C3: variants seen among roughly 807,000 people sequenced by gnomAD.
The protein encoded by C3 is C3 and PZP-like alpha-2-macroglobulin domain-containing protein 1.
Under a neutral mutation model 207.9 loss-of-function variants are expected in C3, and 97 were observed. The observed-to-expected ratio is 0.47, with a 90% CI of 0.40 to 0.55. The LOEUF (loss-of-function observed/expected upper bound fraction) is 0.55, where lower values mean the gene tolerates loss of function less well. Among genes scored for constraint, C3 ranks in the 20% least tolerant of loss-of-function variants. The pLI, the probability that C3 is intolerant of heterozygous loss-of-function variation, is 0.00. For synonymous variants in C3, 848 were observed against 857.6 expected, an observed-to-expected ratio of 0.99 and a Z score of 0.20; for missense variants, 1,684 against 2,171.7, an observed-to-expected ratio of 0.78 and a Z score of 4.46.
chr19:6,680,301 T>A, intron 35 of C3, 38 bp from the exon 36 acceptor site: 1 of 1,057,942 alleles, frequency 9.5e-7, no homozygotes, highest in Non-Finnish European at 1.5e-6. Flanking sequence ...TGGGGTGATG[T>A]GGGAGGGAGT....
chr19:6,705,943 C>T (rs1044921024), intron 17 of C3, among the ~76,000 whole-genome samples: 2 of 143,540 alleles, frequency 1.4e-5, no homozygotes, highest in Admixed American at 7.0e-5. Context: ...CAAAGTGCTG[C>T]GATTGCCGGT....
intron 14 of C3, among the ~76,000 whole-genome samples, chr19:6,709,308 C>T (rs1051281753): frequency 3.9e-5 from 6 of 152,062 alleles, no homozygotes; most frequent in Non-Finnish European, 5.9e-5. Flanking sequence ...ATTAGCTGGG[C>T]GTGGTGATGG....
chr19:6,700,551 A>G (rs769629148), intron 19 of C3, among the ~76,000 whole-genome samples: 352 of 30,314 alleles, frequency 0.012, 97 homozygotes, highest in Non-Finnish European at 0.015. Context: ...TATGTAATAT[A>G]TAATATATGT....
In C3 at chr19:6,685,913, C is replaced by G. The variant is rs554517416; in HGVS notation, c.3810+211G>C. Among the ~76,000 whole-genome samples the G allele has an allele frequency of 3.2e-4, 49 of 152,328 alleles. 1 individual carries two copies. The highest frequency in any genetic ancestry group is 3.4e-3 in the Middle Eastern group (1 of 294). On this transcript the variant is annotated intron_variant, in intron 29 of 40. Coordinates refer to ENST00000245907, the MANE Select transcript of C3 (RefSeq NM_000064.4). ...CTAGACACCTGGGGCAAGAAGAAGG[C>G]TCAACACACAGCTTGGAGTACCCAG...
rs1035912772 is a variant in C3, at chr19:6,709,556, G to C, written c.1845+128C>G. 3.5e-5 allele frequency: 37 copies of C among 1,055,026 alleles called. No homozygotes were observed. In the African/African-American group the frequency reaches 5.6e-4, roughly 16 times the overall value. The allele number at this position is 1,055,026 out of a possible 1,614,324, so 65.4% of individuals were successfully genotyped here. A position where few individuals can be genotyped will look rare whatever the true frequency, so the allele number is the denominator to read the frequency against. On this transcript the variant is annotated intron_variant, in intron 14 of 40. Coordinates refer to ENST00000245907, the MANE Select transcript of C3 (RefSeq NM_000064.4). ...TCAGCTTCAACCATCCCTGTGTCTG[G>C]TCTGCTCCGATCTCTGCTTTCAGCG...
intron 35 of C3, among the ~76,000 whole-genome samples, chr19:6,681,387 GA>G (rs1002860411): frequency 7.3e-5 from 10 of 136,386 alleles, no homozygotes; most frequent in East Asian, 6.7e-4. Context: ...TAATATTTAT[GA>G]AAAAAAAATT....
At chr19:6,703,735 A>G (rs1289398440) in intron 17 of C3, among the ~76,000 whole-genome samples, 2 of 152,282 alleles carry the variant, frequency 1.3e-5, no homozygotes, top group East Asian at 3.9e-4. Context: ...AGCTGAGAAC[A>G]TTCCCAGACC....
At chr19:6,709,621 C>A in intron 14 of C3, 63 bp downstream of exon 14, 1 of 1,202,042 alleles carries the variant, frequency 8.3e-7, no homozygotes, top group Non-Finnish European at 1.2e-6. Context: ...TCCCACCCAC[C>A]TCCCCCAGCC....
intron 23 of C3, 40 bp downstream of exon 23, chr19:6,696,339 C>T (rs907208057): frequency 7.1e-7 from 1 of 1,417,716 alleles, no homozygotes; most frequent in Non-Finnish European, 9.9e-7. Flanking sequence ...CCATCCATGC[C>T]CTCCTGGGAC....
rs1918098908 is a variant in C3, at chr19:6,689,330, TCCC to T, written c.3489+1296_3489+1298del. On this transcript the variant is annotated intron_variant, in intron 27 of 40. Coordinates refer to ENST00000245907, the MANE Select transcript of C3 (RefSeq NM_000064.4). ...CTCTCTCTCTCTCTCTCTACCTACC[TCCC>T]TCCCTCCCTCCCTCCCTCCCTCCCT... is the stretch of plus-strand genomic sequence containing the variant. Among the ~76,000 whole-genome samples, 3 of 42,924 alleles carry T rather than the reference TCCC, an allele frequency of 7.0e-5. 1 individual carries two copies. In the East Asian group the frequency reaches 2.2e-3, roughly 31 times the overall value. The allele number at this position is 42,924 out of a possible 152,430, so 28.2% of individuals were successfully genotyped here.
chr19:6,696,078 C>T (rs971586422), intron 23 of C3, among the ~76,000 whole-genome samples: 2 of 151,428 alleles, frequency 1.3e-5, no homozygotes, highest in African/African-American at 4.8e-5. Flanking sequence ...GGCGTGGTGG[C>T]GGGTGGCTGT....
At chr19:6,698,345 G>C (rs185315921) in intron 19 of C3, among the ~76,000 whole-genome samples, 13 of 152,094 alleles carry the variant, frequency 8.5e-5, no homozygotes, top group African/African-American at 3.1e-4. Context: ...TTTACATTCT[G>C]TTTGTAGTTT....
chr19:6,711,910 G>A (rs1160352321), intron 11 of C3, among the ~76,000 whole-genome samples: 2 of 152,218 alleles, frequency 1.3e-5, no homozygotes, highest in African/African-American at 2.4e-5. Context: ...TGGATGGAGC[G>A]CCTCTCCGTG....
intron 17 of C3, among the ~76,000 whole-genome samples, chr19:6,703,753 G>T (rs979496530): frequency 3.3e-5 from 5 of 152,136 alleles, no homozygotes; most frequent in Admixed American, 2.0e-4. Context: ...ACCTGGTGCA[G>T]AACACTGAAG....
chr19:6,684,898 C>T, intron 30 of C3, 64 bp from the exon 31 acceptor site: 1 of 1,605,012 alleles, frequency 6.2e-7, no homozygotes, highest in South Asian at 1.1e-5. Flanking sequence ...CTGTGATGGT[C>T]ACCTGGCCCT....
At chr19:6,702,703 G>A (rs966465159) in intron 17 of C3, 124 bp from the exon 18 acceptor site, 12 of 744,126 alleles carry the variant, frequency 1.6e-5, no homozygotes, top group Non-Finnish European at 3.0e-5. Context: ...TTGGAGACCA[G>A]CCTAGCTAAC....
Position 6,681,208 on chromosome 19 carries a change from C to T in C3, c.4350+733G>A, listed in dbSNP as rs899008619. The stretch of plus-strand genomic sequence containing the variant: ...GAGTTTAAGACCAGCCTAGGCAGTA[C>T]AGTGGGACCCCATATCTACAAACTT... On this transcript the variant is annotated intron_variant, in intron 35 of 40. Transcript: ENST00000245907. Among the ~76,000 whole-genome samples the T allele has an allele frequency of 5.9e-5, 9 of 151,316 alleles. No individual in the cohort carries two copies. In the East Asian group the frequency reaches 1.7e-3, roughly 29 times the overall value.
intron 29 of C3, 47 bp from the exon 30 acceptor site, chr19:6,685,193 G>T (rs1414637039): frequency 4.4e-6 from 7 of 1,580,588 alleles, no homozygotes; most frequent in Non-Finnish European, 6.1e-6. Flanking sequence ...GCCTGGGAAA[G>T]TGGCTAGAAT....
chr19:6,696,516 C>G (rs1293207394), intron 22 of C3, 51 bp from the exon 23 acceptor site: 10 of 1,594,992 alleles, frequency 6.3e-6, no homozygotes, highest in Non-Finnish European at 8.6e-6. Flanking sequence ...CCCGCCCTAT[C>G]CTACCTCACT....
Sources: gnomAD v4.1 joint callset for allele counts (sites outside exome capture counted in the v4.1 genomes callset) on GRCh38, gnomAD v4.1.1 for gene constraint, MANE v1.5 for transcripts, NCBI Gene and HGNC (gene_info 2026-07-23, HGNC 2026-07-21) for gene names.